The following NFAT5 variants were observed in gnomAD, a reference collection of about 807,000 sequenced individuals.
The protein encoded by NFAT5 is nuclear factor of activated T-cells 5.
Under a neutral mutation model 166.5 loss-of-function variants are expected in NFAT5, and 31 were observed. The ratio of observed to expected loss-of-function variants is 0.19; its 90% CI spans 0.14 to 0.25. The LOEUF is 0.25. NFAT5 is among the 10% of genes least tolerant of loss of function. NFAT5 has a pLI of 1.00. For synonymous variants in NFAT5, 612 were observed against 639.7 expected (o/e 0.96, Z 0.65); for missense variants, 1,449 against 1,821.8 (o/e 0.80, Z 3.72).
At chr16:69,581,293 G>T (rs372478492) in intron 2 of NFAT5, among the ~76,000 whole-genome samples, 7 of 152,234 alleles carry the variant, frequency 4.6e-5, no homozygotes, top group African/African-American at 1.7e-4. Context: ...TTGCAGAATA[G>T]TATTCCATTT....
At chr16:69,643,566 CTT>C (rs1328701233) in intron 3 of NFAT5, among the ~76,000 whole-genome samples, 4 of 151,654 alleles carry the variant, frequency 2.6e-5, no homozygotes, top group Non-Finnish European at 2.9e-5. Context: ...CCTCTAGACT[CTT>C]AGTATTTTCT....
At chr16:69,667,953 TG>T (rs1401328035) in intron 7 of NFAT5, among the ~76,000 whole-genome samples, 1 of 152,094 alleles carries the variant, frequency 6.6e-6, no homozygotes, top group Non-Finnish European at 1.5e-5. Context: ...ACTTATTTTT[TG>T]TTTTTTTGTT....
chr16:69,597,795 A>G (rs983811293), intron 2 of NFAT5, among the ~76,000 whole-genome samples: 27 of 151,982 alleles, frequency 1.8e-4, no homozygotes, highest in African/African-American at 6.5e-4. Flanking sequence ...GGGTTTCACC[A>G]TGTTAGCCAG....
rs571516590 is a variant in NFAT5, at chr16:69,695,501, T to C, written c.*8+122T>C. 11 of 692,202 alleles carry C rather than the reference T, an allele frequency of 1.6e-5. No individual in the cohort carries two copies. The Admixed American group carries it at 3.0e-4, about 19-fold the overall frequency. 42.9% of individuals were successfully genotyped at this position (692,202 alleles called of 1,614,324 possible). On this transcript the variant is annotated intron_variant, in intron 14 of 14. Coordinates refer to ENST00000349945, the MANE Select transcript of NFAT5 (RefSeq NM_138713.4). ...GTGGCTTTCTCACAAGATGATACTT[T>C]TTTACTCTGAATAAAATTATTCTGA...
chr16:69,599,459 C>T (rs954422630), intron 2 of NFAT5, among the ~76,000 whole-genome samples: 3 of 152,132 alleles, frequency 2.0e-5, no homozygotes, highest in Admixed American at 1.3e-4. Context: ...TGCCTGTAAT[C>T]CCAGCTGCTC....
At chr16:69,649,040 T>G in intron 4 of NFAT5, 4 of 894,238 alleles carry the variant, frequency 4.5e-6, no homozygotes, top group Non-Finnish European at 5.4e-6. Context: ...TTTAGTAAAT[T>G]ACCTAAAAGA....
At chr16:69,646,946 C>A in intron 3 of NFAT5, 82 bp from the exon 4 acceptor site, 1 of 1,202,270 alleles carries the variant, frequency 8.3e-7, no homozygotes, top group South Asian at 1.8e-5. Flanking sequence ...AATCAGTTCA[C>A]AAATCACATT....
At chr16:69,659,975 ATTTT>A in intron 7 of NFAT5, 76 bp downstream of exon 7, 1 of 1,231,990 alleles carries the variant, frequency 8.1e-7, no homozygotes, top group African/African-American at 1.5e-5. Context: ...ACATCTCTAA[ATTTT>A]AGATATTTCA....
At chr16:69,650,472 A>G (rs1255668142) in intron 4 of NFAT5, among the ~76,000 whole-genome samples, 1 of 152,126 alleles carries the variant, frequency 6.6e-6, no homozygotes, top group African/African-American at 2.4e-5. Context: ...GCTTAATTAC[A>G]TGATATTCTT....
chr16:69,696,014 C>T (rs1365947634), intron 14 of NFAT5, among the ~76,000 whole-genome samples: 1 of 152,126 alleles, frequency 6.6e-6, no homozygotes, highest in Non-Finnish European at 1.5e-5. Flanking sequence ...ATTCCAAAAT[C>T]CAAAAAAGAA....
chr16:69,571,973 A>G (rs2016467457), intron 2 of NFAT5, among the ~76,000 whole-genome samples: 1 of 152,126 alleles, frequency 6.6e-6, no homozygotes, highest in Non-Finnish European at 1.5e-5. Flanking sequence ...CATATTAGCC[A>G]GGATGGTCTC....
intron 4 of NFAT5, chr16:69,648,704 C>CA: frequency 1.0e-6 from 1 of 970,536 alleles, no homozygotes; most frequent in East Asian, 1.1e-4. Context: ...ATAGTACATT[C>CA]AAAATAATTT....
Position 69,607,430 on chromosome 16 carries a change from T to C in NFAT5, c.128-18973T>C, listed in dbSNP as rs75773885. ...TACAATAAATACTTGAAATGCGTCCTAATTATCTGTTACGTATAGTCATGA... is the reference window on the plus strand; with the variant it reads ...TACAATAAATACTTGAAATGCGTCCCAATTATCTGTTACGTATAGTCATGA... On this transcript the variant is annotated intron_variant, in intron 2 of 14. Transcript: ENST00000349945. Among the ~76,000 whole-genome samples the C allele has an allele frequency of 5.2e-4, 79 of 152,366 alleles. 1 individual carries two copies. In the East Asian group the frequency reaches 0.015, roughly 29 times the overall value.
chr16:69,601,548 T>A (rs897014398), intron 2 of NFAT5, among the ~76,000 whole-genome samples: 2 of 152,074 alleles, frequency 1.3e-5, no homozygotes, highest in Non-Finnish European at 2.9e-5. Flanking sequence ...TTTTTAAAAA[T>A]TTTTTTGTAG....
At chr16:69,651,670 A>AT (rs1347594885) in intron 4 of NFAT5, among the ~76,000 whole-genome samples, 67 of 118,796 alleles carry the variant, frequency 5.6e-4, no homozygotes, top group Non-Finnish European at 9.4e-4. Flanking sequence ...AACATACGTG[A>AT]ATTTTTTTTT....
rs2037913534 is a variant in NFAT5 at position 69,702,404 on chromosome 16, ACATT to A, written c.*6056_*6059del. 6.6e-6 allele frequency: 1 copy of A among 152,296 alleles called. No homozygotes were observed. The highest frequency in any genetic ancestry group is 2.4e-5 in the African/African-American group (1 of 41,450). The allele number at this position is 152,296 out of a possible 1,614,324, so 9.4% of individuals were successfully genotyped here. ...ATTTTAGAAACGTCACATTTTAGAAACATTCAGCTTGCTAACCTACATGTTTGGG... is the reference window on the plus strand; with the variant it reads ...ATTTTAGAAACGTCACATTTTAGAAACAGCTTGCTAACCTACATGTTTGGG... On this transcript the variant is annotated 3_prime_UTR_variant, in exon 15 of 15. Transcript: ENST00000349945.
In NFAT5 at chr16:69,655,600, T is replaced by C; in HGVS notation, c.1006-9T>C. On this transcript the variant is annotated splice_polypyrimidine_tract_variant and intron_variant, in intron 5 of 14. Transcript: ENST00000349945. ...ATTAGTGTTTCTGTTGCATGTTTTCTGGTTTCAGCTGGAAGGCCATAATGA... is the reference window on the plus strand; with the variant it reads ...ATTAGTGTTTCTGTTGCATGTTTTCCGGTTTCAGCTGGAAGGCCATAATGA... 6.5e-7 allele frequency: 1 copy of C among 1,548,554 alleles called. No individual in the cohort carries two copies. Among genetic ancestry groups the C allele is most frequent in the Non-Finnish European group, 8.7e-7 (1 of 1,145,504 alleles).
At chr16:69,593,223 T>C (rs903430699) in intron 2 of NFAT5, among the ~76,000 whole-genome samples, 6 of 152,182 alleles carry the variant, frequency 3.9e-5, no homozygotes, top group Non-Finnish European at 8.8e-5. Context: ...AGTTTCTGTC[T>C]TTATCTTTCT....
intron 2 of NFAT5, among the ~76,000 whole-genome samples, chr16:69,596,037 G>T (rs528486879): frequency 1.3e-5 from 2 of 152,226 alleles, no homozygotes; most frequent in Admixed American, 1.3e-4. Flanking sequence ...TATTTAAATT[G>T]GAATTTTTCA....
Sources: allele counts gnomAD v4.1 joint callset (sites outside exome capture counted in the v4.1 genomes callset), GRCh38; gene constraint gnomAD v4.1.1; transcripts MANE v1.5; gene names NCBI Gene and HGNC (gene_info 2026-07-23, HGNC 2026-07-21).